Variants in TSPAN12 observed in about 807,000 individuals in gnomAD.
The protein encoded by TSPAN12 is tetraspanin 12.
A neutral mutation model predicts 39.2 loss-of-function variants in TSPAN12; 19 were observed. The ratio of observed to expected loss-of-function variants is 0.49; its 90% CI spans 0.34 to 0.71. TSPAN12 has a LOEUF of 0.71. Among genes scored for constraint, TSPAN12 ranks in the 30% least tolerant of loss-of-function variants. The pLI is 0.01. For synonymous variants in TSPAN12, 119 were observed against 124.8 expected (o/e 0.95, Z 0.31); for missense variants, 314 against 359.9 (o/e 0.87, Z 1.03).
intron 2 of TSPAN12, among the ~76,000 whole-genome samples, chr7:120,840,447 G>C (rs1794556347): frequency 6.6e-6 from 1 of 152,016 alleles, no homozygotes; most frequent in Non-Finnish European, 1.5e-5. Flanking sequence ...ATTCTTAAAG[G>C]CAAGGAAGCA....
intron 4 of TSPAN12, among the ~76,000 whole-genome samples, chr7:120,819,804 G>A (rs1051472388): frequency 3.3e-5 from 5 of 152,118 alleles, no homozygotes; most frequent in African/African-American, 7.2e-5. Context: ...TGAGATCTGA[G>A]TCCTTGATAA....
intron 6 of TSPAN12, among the ~76,000 whole-genome samples, chr7:120,809,377 CTT>C (rs2116358904): frequency 6.6e-6 from 1 of 152,238 alleles, no homozygotes; most frequent in East Asian, 1.9e-4. Flanking sequence ...CTTATTTTCT[CTT>C]TGTGTTGTTT....
chr7:120,835,887 C>T (rs1015005509), intron 4 of TSPAN12, among the ~76,000 whole-genome samples: 9 of 152,024 alleles, frequency 5.9e-5, no homozygotes, highest in Admixed American at 1.3e-4. Flanking sequence ...TAGAGAAGAA[C>T]GGAGCAAGAA....
At chr7:120,790,953 A>G (rs749859739) in intron 7 of TSPAN12, among the ~76,000 whole-genome samples, 45 of 152,212 alleles carry the variant, frequency 3.0e-4, no homozygotes, top group Non-Finnish European at 5.1e-4. Flanking sequence ...CTCGGTACTT[A>G]GTACAAAAAT....
chr7:120,789,916 G>A (rs1793488048), intron 7 of TSPAN12, among the ~76,000 whole-genome samples: 1 of 152,054 alleles, frequency 6.6e-6, no homozygotes, highest in Non-Finnish European at 1.5e-5. Flanking sequence ...CAGGTAATAT[G>A]GTGCCAGCCA....
chr7:120,824,621 A>G (rs1704970373), intron 4 of TSPAN12, among the ~76,000 whole-genome samples: 1 of 152,174 alleles, frequency 6.6e-6, no homozygotes, highest in African/African-American at 2.4e-5. Context: ...ATGAATGAAA[A>G]AGTAAATTTT....
intron 4 of TSPAN12, among the ~76,000 whole-genome samples, chr7:120,836,676 T>C (rs1205658674): frequency 1.3e-5 from 2 of 152,144 alleles, no homozygotes; most frequent in Non-Finnish European, 2.9e-5. Flanking sequence ...TCAGTAAGTA[T>C]TTGGAGAATG....
intron 7 of TSPAN12, among the ~76,000 whole-genome samples, chr7:120,797,286 G>A (rs1194856360): frequency 6.6e-6 from 1 of 152,246 alleles, no homozygotes; most frequent in Non-Finnish European, 1.5e-5. Flanking sequence ...TGCATTGGGA[G>A]TTCTCTTTCT....
chr7:120,848,718 CT>C, intron 2 of TSPAN12, among the ~76,000 whole-genome samples: 1 of 152,124 alleles, frequency 6.6e-6, no homozygotes, highest in Non-Finnish European at 1.5e-5. Flanking sequence ...AAGCCTTACT[CT>C]ATAGTAAACA....
chr7:120,833,710 T>A (rs1038947357), intron 4 of TSPAN12, among the ~76,000 whole-genome samples: 2 of 152,130 alleles, frequency 1.3e-5, no homozygotes, highest in Admixed American at 6.6e-5. Context: ...TTGCATCACA[T>A]CCTGACAAAT....
intron 4 of TSPAN12, among the ~76,000 whole-genome samples, chr7:120,824,335 G>T (rs375274978): frequency 6.6e-6 from 1 of 151,470 alleles, no homozygotes. Flanking sequence ...CCAGCAACTC[G>T]AGAGGCTGAG....
intron 4 of TSPAN12, among the ~76,000 whole-genome samples, chr7:120,838,220 T>A (rs1794514240): frequency 6.6e-6 from 1 of 152,158 alleles, no homozygotes; most frequent in Non-Finnish European, 1.5e-5. Context: ...ACTTTTGAAT[T>A]AAAAGACTAG....
At chr7:120,799,782 T>C (rs895856106) in intron 7 of TSPAN12, among the ~76,000 whole-genome samples, 18 of 135,490 alleles carry the variant, frequency 1.3e-4, no homozygotes, top group Admixed American at 1.0e-3. Context: ...AATTAAATTA[T>C]ATATAATAAA....
chr7:120,830,400 A>G (rs551312288), intron 4 of TSPAN12, among the ~76,000 whole-genome samples: 135 of 152,256 alleles, frequency 8.9e-4, no homozygotes, highest in African/African-American at 3.1e-3. Context: ...TTCAAAATAT[A>G]TTATAAAGTT....
At chr7:120,843,486 C>A (rs141002366) in intron 2 of TSPAN12, among the ~76,000 whole-genome samples, 1 of 152,172 alleles carries the variant, frequency 6.6e-6, no homozygotes, top group African/African-American at 2.4e-5. Context: ...GGGGCCACTA[C>A]ACACCTGCCC....
At chr7:120,792,244 C>T (rs1449671935) in intron 7 of TSPAN12, among the ~76,000 whole-genome samples, 1 of 152,170 alleles carries the variant, frequency 6.6e-6, no homozygotes, top group Non-Finnish European at 1.5e-5. Context: ...GCGCCTCTCC[C>T]GGAGGATTGC....
intron 4 of TSPAN12, among the ~76,000 whole-genome samples, chr7:120,836,003 T>G (rs1794469605): frequency 6.6e-6 from 1 of 152,054 alleles, no homozygotes; most frequent in African/African-American, 2.4e-5. Context: ...TGGTGTACAT[T>G]TGAGGTGTTG....
intron 6 of TSPAN12, among the ~76,000 whole-genome samples, chr7:120,807,561 C>T (rs145939310): frequency 6.6e-6 from 1 of 152,218 alleles, no homozygotes; most frequent in East Asian, 1.9e-4. Flanking sequence ...TCACTGAGAA[C>T]TTTGCCAAGA....
intron 2 of TSPAN12, among the ~76,000 whole-genome samples, chr7:120,855,448 T>C (rs948391946): frequency 1.3e-5 from 2 of 152,204 alleles, no homozygotes; most frequent in African/African-American, 2.4e-5. Context: ...TTATCATACA[T>C]CTTAAAGAAA....
Sources: gnomAD v4.1 joint callset for allele counts (sites outside exome capture counted in the v4.1 genomes callset) on GRCh38, gnomAD v4.1.1 for gene constraint, MANE v1.5 for transcripts, NCBI Gene and HGNC (gene_info 2026-07-23, HGNC 2026-07-21) for gene names.